The following KCND2 variants were observed in gnomAD, a reference collection of about 807,000 sequenced individuals.
KCND2 encodes the protein potassium voltage-gated channel subfamily D member 2, also known as A-type voltage-gated potassium channel KCND2.
In KCND2, 16 loss-of-function variants were observed where a neutral mutation model predicts 54.4. The observed-to-expected ratio is 0.29, with a 90% CI of 0.20 to 0.45. KCND2 has a LOEUF of 0.45. Ranked by LOEUF, KCND2 falls within the 20% of genes least tolerant of loss-of-function variation. The pLI, the probability that KCND2 is intolerant of heterozygous loss-of-function variation, is 1.00. For missense variants in KCND2, 486 were observed against 824.2 expected (o/e 0.59, Z 5.02); for synonymous variants, 317 against 310.7 (o/e 1.02, Z -0.21).
intron 1 of KCND2, among the ~76,000 whole-genome samples, chr7:120,450,511 G>A (rs543972508): frequency 6.6e-6 from 1 of 152,244 alleles, no homozygotes; most frequent in Non-Finnish European, 1.5e-5. Context: ...TAGCAGAGAA[G>A]GAGTACTAAG....
In KCND2 at chr7:120,650,804, C is replaced by T. The variant is rs1337350362; in HGVS notation, c.1116-82099C>T. ...ACAGATGGGGTTTTGGTGTGGATAT[C>T]CTTTCTGTTTGTTAGTTTTCCTTCT... On this transcript the variant is annotated intron_variant, in intron 1 of 5. Coordinates refer to ENST00000331113, the MANE Select transcript of KCND2 (RefSeq NM_012281.3). Among the ~76,000 whole-genome samples, 4 of 143,664 alleles carry T rather than the reference C, an allele frequency of 2.8e-5. 1 individual carries two copies. The highest frequency in any genetic ancestry group is 6.1e-5 in the Non-Finnish European group (4 of 66,010). 94.2% of individuals were successfully genotyped at this position (143,664 alleles called of 152,430 possible). A position where few individuals can be genotyped will look rare whatever the true frequency, so the allele number is the denominator to read the frequency against.
intron 1 of KCND2, among the ~76,000 whole-genome samples, chr7:120,366,413 G>C (rs576261231): frequency 2.0e-5 from 3 of 151,092 alleles, no homozygotes; most frequent in African/African-American, 7.3e-5. Flanking sequence ...TCTTGAACCT[G>C]GGAGGCGGAG....
At chr7:120,742,378 G>A (rs1012851847) in intron 3 of KCND2, 132 bp from the exon 4 acceptor site, 1 of 768,526 alleles carries the variant, frequency 1.3e-6, no homozygotes, top group African/African-American at 1.7e-5. Flanking sequence ...CTGCACATTT[G>A]TTCCTTTCTA....
chr7:120,515,532 GTATTAGAACC>G (rs1293884974), intron 1 of KCND2, among the ~76,000 whole-genome samples: 1 of 152,214 alleles, frequency 6.6e-6, no homozygotes, highest in East Asian at 1.9e-4. Context: ...AAGATTGGGA[GTATTAGAACC>G]TACAATCTCT....
intron 1 of KCND2, among the ~76,000 whole-genome samples, chr7:120,313,182 A>G (rs1305396804): frequency 1.3e-5 from 2 of 152,198 alleles, no homozygotes; most frequent in African/African-American, 4.8e-5. Flanking sequence ...GGCTTGCCAT[A>G]AAAGTTGTAT....
At chr7:120,604,830 A>G (rs920520204) in intron 1 of KCND2, among the ~76,000 whole-genome samples, 4 of 152,176 alleles carry the variant, frequency 2.6e-5, no homozygotes, top group Non-Finnish European at 4.4e-5. Context: ...AAACATTCAT[A>G]AATGTAACCT....
At chr7:120,559,777 T>G (rs1269617211) in intron 1 of KCND2, among the ~76,000 whole-genome samples, 2 of 152,196 alleles carry the variant, frequency 1.3e-5, no homozygotes, top group African/African-American at 2.4e-5. Context: ...TTTAGTTAAA[T>G]GTGATCTTTG....
chr7:120,694,331 T>C (rs1173380536), intron 1 of KCND2, among the ~76,000 whole-genome samples: 1 of 152,334 alleles, frequency 6.6e-6, no homozygotes, highest in African/African-American at 2.4e-5. Context: ...ATATAGGTGA[T>C]CTTTACAAAG....
chr7:120,644,648 G>A (rs1793416322), intron 1 of KCND2, among the ~76,000 whole-genome samples: 1 of 152,142 alleles, frequency 6.6e-6, no homozygotes, highest in South Asian at 2.1e-4. Flanking sequence ...ATAGTGATAT[G>A]CACATCACAA....
intron 1 of KCND2, among the ~76,000 whole-genome samples, chr7:120,469,965 C>T (rs186337627): frequency 1.1e-4 from 17 of 152,176 alleles, no homozygotes; most frequent in Admixed American, 7.9e-4. Flanking sequence ...TTAAGAATAT[C>T]GGCTGAGCAT....
chr7:120,481,926 T>G lies in KCND2; in HGVS notation c.1115+206179T>G, dbSNP rs117270910. On this transcript the variant is annotated intron_variant, in intron 1 of 5. Coordinates refer to ENST00000331113, the MANE Select transcript of KCND2 (RefSeq NM_012281.3). Reference sequence around the variant, plus strand: ...ACAATGGCAGAGCCATCTCAAAAAATTCTCATTAGGGTAAAACTCTGTGGA... The same window carrying G: ...ACAATGGCAGAGCCATCTCAAAAAAGTCTCATTAGGGTAAAACTCTGTGGA... 7.3e-3 allele frequency among the ~76,000 whole-genome samples: 1,107 copies of G among 152,204 alleles called. 6 individuals are homozygous for G. Among genetic ancestry groups the G allele is most frequent in the Admixed American group, 0.016 (242 of 15,290 alleles).
At chr7:120,641,494 C>T (rs1020753876) in intron 1 of KCND2, among the ~76,000 whole-genome samples, 6 of 151,702 alleles carry the variant, frequency 4.0e-5, no homozygotes, top group African/African-American at 1.5e-4. Context: ...TCCTGCCTCT[C>T]CTTCCCTCTG....
chr7:120,704,641 T>C (rs1307023924), intron 1 of KCND2, among the ~76,000 whole-genome samples: 1 of 152,212 alleles, frequency 6.6e-6, no homozygotes, highest in African/African-American at 2.4e-5. Flanking sequence ...GGGAATAATA[T>C]GAACTATGTC....
intron 1 of KCND2, among the ~76,000 whole-genome samples, chr7:120,664,591 G>T (rs926498966): frequency 3.3e-5 from 5 of 152,022 alleles, no homozygotes; most frequent in Admixed American, 3.3e-4. Flanking sequence ...ACTAGCAGAG[G>T]CCACAGATAG....
Position 120,714,321 on chromosome 7 carries a change from AT to A in KCND2, c.1116-18581del, listed in dbSNP as rs563143531. 2.0e-3 allele frequency among the ~76,000 whole-genome samples: 309 copies of A among 152,174 alleles called. 1 individual carries two copies. The highest frequency in any genetic ancestry group is 7.0e-3 in the African/African-American group (291 of 41,548). ...GATAAGTAAGTTTTGACAAAAAAAA[AT>A]AAATTACTGCTTCTATCTGATTGTG... On this transcript the variant is annotated intron_variant, in intron 1 of 5. Coordinates refer to ENST00000331113, the MANE Select transcript of KCND2 (RefSeq NM_012281.3).
intron 1 of KCND2, among the ~76,000 whole-genome samples, chr7:120,479,715 G>A (rs1298190085): frequency 6.7e-6 from 1 of 149,146 alleles, no homozygotes; most frequent in African/African-American, 2.5e-5. Flanking sequence ...GATCACTTGA[G>A]GCCGGGAGTT....
intron 1 of KCND2, among the ~76,000 whole-genome samples, chr7:120,411,718 G>T (rs763838218): frequency 1.3e-5 from 2 of 151,910 alleles, no homozygotes; most frequent in African/African-American, 2.4e-5. Flanking sequence ...AACTTTCACA[G>T]TACATTCTTG....
intron 1 of KCND2, among the ~76,000 whole-genome samples, chr7:120,511,605 G>T (rs902400179): frequency 2.6e-5 from 4 of 152,098 alleles, no homozygotes; most frequent in Non-Finnish European, 5.9e-5. Flanking sequence ...ACAGTAAATT[G>T]TTACTTTGTC....
Position 120,584,767 on chromosome 7 carries a change from C to T in KCND2, c.1116-148136C>T, listed in dbSNP as rs143197857. On this transcript the variant is annotated intron_variant, in intron 1 of 5. Coordinates refer to ENST00000331113, the MANE Select transcript of KCND2 (RefSeq NM_012281.3). ...GTGCTCACGCACACACACGCATGCG[C>T]GTGCACACACACACACTTTGGGTGA... Among the ~76,000 whole-genome samples the T allele has an allele frequency of 9.9e-5, 15 of 152,270 alleles. No individual in the cohort carries two copies. In the South Asian group the frequency reaches 1.0e-3, roughly 11 times the overall value.
Sources: gnomAD v4.1 joint callset for allele counts (sites outside exome capture counted in the v4.1 genomes callset) on GRCh38, gnomAD v4.1.1 for gene constraint, MANE v1.5 for transcripts, NCBI Gene and HGNC (gene_info 2026-07-23, HGNC 2026-07-21) for gene names.